PSPC1: variants seen among roughly 807,000 people sequenced by gnomAD.
PSPC1 encodes paraspeckle component 1.
Under a neutral mutation model 51.6 loss-of-function variants are expected in PSPC1, and 14 were observed. That is an observed-to-expected ratio of 0.27 (90% confidence interval 0.18 to 0.42). The LOEUF (loss-of-function observed/expected upper bound fraction) is 0.42, where lower values mean the gene tolerates loss of function less well. PSPC1 is among the 10% of genes least tolerant of loss of function. PSPC1 has a pLI of 1.00. For missense variants in PSPC1, 406 were observed against 701.1 expected (o/e 0.58, Z 4.75); for synonymous variants, 193 against 231.9 (o/e 0.83, Z 1.53).
chr13:19,697,685 C>A (rs1879420104), downstream of PSPC1, among the ~76,000 whole-genome samples: 3 of 152,052 alleles, frequency 2.0e-5, no homozygotes. Context: ...ACTATTATTG[C>A]CTCTAACACC....
At chr13:19,736,909 C>G (rs9506363) in intron 5 of PSPC1, 2 of 151,928 alleles carry the variant, frequency 1.3e-5, no homozygotes, top group South Asian at 2.1e-4. Context: ...CCTCACTAAT[C>G]TTTTTTTAAA....
intron 1 of PSPC1, among the ~76,000 whole-genome samples, chr13:19,778,178 G>A (rs1889379758): frequency 2.6e-5 from 4 of 151,772 alleles, no homozygotes; most frequent in Admixed American, 2.6e-4. Context: ...GGAGGTGGAG[G>A]TTGCAGTGAA....
intron 5 of PSPC1, among the ~76,000 whole-genome samples, chr13:19,738,318 T>C (rs1057281962): frequency 6.6e-6 from 1 of 152,132 alleles, no homozygotes; most frequent in Admixed American, 6.6e-5. Flanking sequence ...CATACCTTGG[T>C]ATGTGCAGGG....
intron 4 of PSPC1, among the ~76,000 whole-genome samples, chr13:19,750,509 C>T (rs1886434122): frequency 6.6e-6 from 1 of 151,826 alleles, no homozygotes; most frequent in Non-Finnish European, 1.5e-5. Context: ...CCTAAATCCC[C>T]ATATCAATGT....
At chr13:19,775,258 A>G (rs1445582741) in intron 1 of PSPC1, among the ~76,000 whole-genome samples, 2 of 152,148 alleles carry the variant, frequency 1.3e-5, no homozygotes, top group Non-Finnish European at 1.5e-5. Context: ...AGGCTGAGGC[A>G]GGAGAATTGC....
At position 19,782,475 on chromosome 13, in the gene PSPC1, C is replaced by A; in HGVS notation, c.283G>T (p.Glu95Ter). ...TCGAAGAGCCTCTTGAAGTCCTCCT[C>A]CGTGATGTCGGTGGGCAGATTTCCC... ...FVGNLPTDIT[E>*]EDFKRLFERY... Residue 95 changes from glutamate to a stop codon, truncating the protein, a stop_gained, in exon 1 of 9, where the codon GAG (glutamate) becomes TAG (stop). Coordinates refer to ENST00000338910, the MANE Select transcript of PSPC1 (RefSeq NM_001354909.2). LOFTEE classifies it high-confidence loss of function. This position sits in a 1 kb window ranked among gnomAD's most constrained non-coding sequence, Gnocchi z 4.5. 6.2e-7 allele frequency: 1 copy of A among 1,612,998 alleles called. No individual in the cohort carries two copies. The highest frequency in any genetic ancestry group is 8.5e-7 in the Non-Finnish European group (1 of 1,179,520).
chr13:19,710,841 A>C (rs61953093), intron 6 of PSPC1, among the ~76,000 whole-genome samples: 5 of 78,812 alleles, frequency 6.3e-5, no homozygotes, highest in Middle Eastern at 6.0e-3. Flanking sequence ...TAAAAAGCTT[A>C]ATTTTTTTTT....
intron 1 of PSPC1, 137 bp from the exon 2 acceptor site, chr13:19,772,680 T>C (rs750930335): frequency 1.1e-5 from 8 of 733,634 alleles, no homozygotes; most frequent in Non-Finnish European, 1.7e-5. Context: ...CTTTTAACTT[T>C]GGTATCACAT....
chr13:19,719,892 A>G (rs971927816), intron 6 of PSPC1, among the ~76,000 whole-genome samples: 10 of 152,090 alleles, frequency 6.6e-5, no homozygotes, highest in African/African-American at 1.9e-4. Flanking sequence ...ATGTTGCCCG[A>G]GCTGGCCTTG....
Position 19,781,733 on chromosome 13 carries a change from G to C in PSPC1, c.372+653C>G, listed in dbSNP as rs187168392. The stretch of plus-strand genomic sequence containing the variant: ...AGGCAGGAGGATCGCTCGTGCTCAG[G>C]AGTTCGAGACCAGCCTGGGCAACAT... On this transcript the variant is annotated intron_variant, in intron 1 of 8. Coordinates refer to ENST00000338910, the MANE Select transcript of PSPC1 (RefSeq NM_001354909.2). 4.7e-4 allele frequency among the ~76,000 whole-genome samples: 71 copies of C among 152,250 alleles called. 1 individual carries two copies. In the East Asian group the frequency reaches 0.011, roughly 24 times the overall value.
At chr13:19,746,303 G>A (rs1885973056) in intron 4 of PSPC1, among the ~76,000 whole-genome samples, 1 of 151,968 alleles carries the variant, frequency 6.6e-6, no homozygotes, top group Non-Finnish European at 1.5e-5. Context: ...TCAAGAGGCT[G>A]AGGCAGGAGA....
intron 6 of PSPC1, among the ~76,000 whole-genome samples, chr13:19,729,630 C>A: frequency 1.3e-5 from 2 of 148,544 alleles, no homozygotes; most frequent in African/African-American, 2.5e-5. Flanking sequence ...TCAAAGAAAC[C>A]AAATGTTTAA....
At chr13:19,709,158 C>CAAAAAAAAA in intron 7 of PSPC1, among the ~76,000 whole-genome samples, 1 of 83,614 alleles carries the variant, frequency 1.2e-5, no homozygotes, top group Non-Finnish European at 2.2e-5. Flanking sequence ...GGTCCTGCCT[C>CAAAAAAAAA]AAAAAAAAAA....
downstream of PSPC1, chr13:19,672,798 A>T: frequency 4.0e-6 from 1 of 252,344 alleles, no homozygotes; most frequent in Non-Finnish European, 8.0e-6. Context: ...CCTAAAAGAG[A>T]GTATTAAATG....
chr13:19,703,127 C>T lies in PSPC1; in HGVS notation c.*48G>A, dbSNP rs1244511311. ...CAGATAACAGGTAAAAGTATAAAGG[C>T]ATACCACTGACTTTTTTTTTTCTAG... On this transcript the variant is annotated 3_prime_UTR_variant, in exon 9 of 9. Transcript: ENST00000338910. The T allele has an allele frequency of 3.2e-6, 5 of 1,564,022 alleles. No homozygotes were observed. The Admixed American group carries it at 5.0e-5, about 16-fold the overall frequency.
intron 6 of PSPC1, among the ~76,000 whole-genome samples, chr13:19,725,715 A>T (rs1436446799): frequency 6.6e-6 from 1 of 152,236 alleles, no homozygotes; most frequent in Non-Finnish European, 1.5e-5. Flanking sequence ...GAGACAATTA[A>T]AATTATTAGA....
At chr13:19,761,603 A>C (rs1339888418) in intron 2 of PSPC1, among the ~76,000 whole-genome samples, 1 of 152,220 alleles carries the variant, frequency 6.6e-6, no homozygotes. Context: ...TGAGTTAGTG[A>C]AGACATTTTA....
Position 19,716,043 on chromosome 13 carries a change from T to C in PSPC1, c.1159-6444A>G, listed in dbSNP as rs74645045. On this transcript the variant is annotated intron_variant, in intron 6 of 8. Coordinates refer to ENST00000338910, the MANE Select transcript of PSPC1 (RefSeq NM_001354909.2). ...AAATAAAAAATAAAAAATAAAAAAA[T>C]TAAATTCTATGAAGTTACCTTCAGG... is the stretch of plus-strand genomic sequence containing the variant. Among the ~76,000 whole-genome samples the C allele has an allele frequency of 5.1e-3, 775 of 151,894 alleles. 8 individuals carry two copies. The highest frequency in any genetic ancestry group is 0.018 in the African/African-American group (729 of 41,284).
intron 3 of PSPC1, among the ~76,000 whole-genome samples, chr13:19,754,934 A>T (rs910912972): frequency 1.6e-4 from 24 of 152,068 alleles, no homozygotes; most frequent in South Asian, 2.1e-4. Flanking sequence ...GGAACCCTTT[A>T]AAAAAAATGG....
Sources: gnomAD v4.1 joint callset for allele counts (sites outside exome capture counted in the v4.1 genomes callset) on GRCh38, gnomAD v4.1.1 for gene constraint, Gnocchi (gnomAD v3.1) non-coding constraint, MANE v1.5 for transcripts, NCBI Gene and HGNC (gene_info 2026-07-23, HGNC 2026-07-21) for gene names.